The following RARB variants were observed in gnomAD, a reference collection of about 807,000 sequenced individuals.
RARB encodes the protein HBV-activated protein.
Under a neutral mutation model 51.9 loss-of-function variants are expected in RARB, and 17 were observed. The ratio of observed to expected loss-of-function variants is 0.33; its 90% confidence interval spans 0.22 to 0.49. The LOEUF (loss-of-function observed/expected upper bound fraction) is 0.49. Ranked by LOEUF, RARB falls within the 20% of genes least tolerant of loss-of-function variation. The probability of loss-of-function intolerance (pLI) is 0.99; values close to 1 mark genes in which losing one functional copy is unlikely to be tolerated. For synonymous variants in RARB, 215 were observed against 195.4 expected (o/e 1.10, Z -0.84); for missense variants, 369 against 550.8 (o/e 0.67, Z 3.30).
intron 3 of RARB, among the ~76,000 whole-genome samples, chr3:25,561,699 A>G (rs754548781): frequency 1.2e-4 from 19 of 152,188 alleles, no homozygotes; most frequent in South Asian, 1.2e-3. Flanking sequence ...GAAATGTATG[A>G]TGAAAATGTC....
intron 3 of RARB, among the ~76,000 whole-genome samples, chr3:25,505,832 G>A (rs1322527343): frequency 6.6e-6 from 1 of 151,326 alleles, no homozygotes; most frequent in East Asian, 1.9e-4. Context: ...ATGTGGCAAA[G>A]CCCTGAAATA....
At chr3:24,944,849 C>T (rs1199532203) in intron 2 of RARB, among the ~76,000 whole-genome samples, 1 of 152,132 alleles carries the variant, frequency 6.6e-6, no homozygotes, top group South Asian at 2.1e-4. Flanking sequence ...GAACATTATT[C>T]AGGGAGGAAG....
At chr3:25,023,405 G>A (rs1697678562) in intron 2 of RARB, among the ~76,000 whole-genome samples, 1 of 152,196 alleles carries the variant, frequency 6.6e-6, no homozygotes, top group African/African-American at 2.4e-5. Context: ...CTGAGGTTAA[G>A]ACGAATGTTG....
chr3:25,517,783 A>G (rs1698232520), intron 3 of RARB, among the ~76,000 whole-genome samples: 1 of 152,232 alleles, frequency 6.6e-6, no homozygotes, highest in African/African-American at 2.4e-5. Context: ...AATATGATAT[A>G]TCCTTACAAC....
At chr3:25,169,107 CAT>C (rs1341275853) in intron 4 of RARB, among the ~76,000 whole-genome samples, 1 of 152,252 alleles carries the variant, frequency 6.6e-6, no homozygotes, top group Non-Finnish European at 1.5e-5. Flanking sequence ...AACTGTTAAA[CAT>C]ATGTGAAGTG....
At chr3:25,223,102 C>T (rs1701982702) in intron 5 of RARB, among the ~76,000 whole-genome samples, 1 of 152,148 alleles carries the variant, frequency 6.6e-6, no homozygotes, top group African/African-American at 2.4e-5. Context: ...TATATATAAT[C>T]ATGTAACTAC....
chr3:25,091,228 A>G (rs1431219334), intron 3 of RARB, among the ~76,000 whole-genome samples: 1 of 152,180 alleles, frequency 6.6e-6, no homozygotes, highest in African/African-American at 2.4e-5. Flanking sequence ...TGCAAGATGT[A>G]CAGAGAATTG....
intron 5 of RARB, among the ~76,000 whole-genome samples, chr3:25,332,494 C>T (rs150617500): frequency 6.6e-5 from 10 of 152,250 alleles, no homozygotes; most frequent in Admixed American, 1.3e-4. Flanking sequence ...GCTAAAAACT[C>T]TCAATAAACT....
At chr3:24,924,850 C>T (rs1278364381) in intron 2 of RARB, among the ~76,000 whole-genome samples, 1 of 152,086 alleles carries the variant, frequency 6.6e-6, no homozygotes, top group Non-Finnish European at 1.5e-5. Flanking sequence ...CTTATCCTTA[C>T]AGGGGTGCTG....
chr3:25,200,686 T>G (rs990514741), intron 5 of RARB, among the ~76,000 whole-genome samples: 11 of 152,080 alleles, frequency 7.2e-5, no homozygotes, highest in African/African-American at 1.2e-4. Context: ...CAGCACCATT[T>G]ATTAAATAGG....
At chr3:24,937,828 T>C (rs905191936) in intron 2 of RARB, among the ~76,000 whole-genome samples, 3 of 152,152 alleles carry the variant, frequency 2.0e-5, no homozygotes, top group South Asian at 2.1e-4. Context: ...ACTTTAAAAA[T>C]AAAGAGATTT....
At chr3:25,326,151 T>C (rs1704710673) in intron 5 of RARB, among the ~76,000 whole-genome samples, 1 of 152,166 alleles carries the variant, frequency 6.6e-6, no homozygotes, top group African/African-American at 2.4e-5. Context: ...GTGAAGTGAG[T>C]TGACTTTTAG....
At chr3:25,136,395 A>G (rs1470030787) in intron 4 of RARB, among the ~76,000 whole-genome samples, 3 of 152,138 alleles carry the variant, frequency 2.0e-5, no homozygotes, top group East Asian at 1.9e-4. Flanking sequence ...TCAAGTGATG[A>G]TACCTCTTTT....
At chr3:24,898,791 G>C (rs966454796) in intron 2 of RARB, among the ~76,000 whole-genome samples, 5 of 152,136 alleles carry the variant, frequency 3.3e-5, no homozygotes, top group African/African-American at 4.8e-5. Flanking sequence ...TTTAGCATTT[G>C]GCTTTTGTCC....
At chr3:25,342,043 C>T (rs1204046826) in intron 5 of RARB, among the ~76,000 whole-genome samples, 2 of 152,156 alleles carry the variant, frequency 1.3e-5, no homozygotes, top group Non-Finnish European at 2.9e-5. Context: ...GCACCTATTA[C>T]AATGCTTGAC....
intron 1 of RARB, among the ~76,000 whole-genome samples, chr3:25,460,038 G>C (rs1366571626): frequency 6.6e-6 from 1 of 152,176 alleles, no homozygotes; most frequent in Non-Finnish European, 1.5e-5. Context: ...TGGGTGGTTA[G>C]ATAACAGGAT....
At chr3:25,005,871 G>C (rs1424149334) in intron 2 of RARB, among the ~76,000 whole-genome samples, 3 of 152,072 alleles carry the variant, frequency 2.0e-5, no homozygotes, top group Non-Finnish European at 2.9e-5. Flanking sequence ...CTTAGCATAA[G>C]AGTCAAAGTC....
At chr3:25,103,438 C>T (rs1699441409) in intron 3 of RARB, among the ~76,000 whole-genome samples, 1 of 152,160 alleles carries the variant, frequency 6.6e-6, no homozygotes, top group African/African-American at 2.4e-5. Context: ...AACTGCCTTG[C>T]TTTAGACAAA....
chr3:24,998,459 A>G (rs1388415132), intron 2 of RARB, among the ~76,000 whole-genome samples: 2 of 151,422 alleles, frequency 1.3e-5, no homozygotes, highest in African/African-American at 4.8e-5. Flanking sequence ...CACCACAAAG[A>G]CCCCTGACTG....
Sources: gnomAD v4.1 joint callset for allele counts (sites outside exome capture counted in the v4.1 genomes callset) on GRCh38, gnomAD v4.1.1 for gene constraint, MANE v1.5 for transcripts, NCBI Gene and HGNC (gene_info 2026-07-23, HGNC 2026-07-21) for gene names.